Variants in CCDC33 observed in about 807,000 individuals in gnomAD.
The protein encoded by CCDC33 is coiled-coil domain containing 33.
In CCDC33, 94 loss-of-function variants were observed where a neutral mutation model predicts 91.9. The observed-to-expected ratio is 1.02, with a 90% confidence interval of 0.87 to 1.21. The LOEUF is 1.21. CCDC33 is among the 50% of genes most tolerant of loss of function. The pLI is 0.00. For synonymous variants in CCDC33, 396 were observed against 374.5 expected (o/e 1.06, Z -0.66); for missense variants, 940 against 935.5 (o/e 1.00, Z -0.06).
chr15:74,281,363 G>A (rs547772870), intron 9 of CCDC33, among the ~76,000 whole-genome samples: 2 of 152,338 alleles, frequency 1.3e-5, no homozygotes, highest in East Asian at 3.9e-4. Flanking sequence ...ATGGGTACAT[G>A]GCAATAGCAC....
intron 2 of CCDC33, among the ~76,000 whole-genome samples, chr15:74,256,429 C>T (rs1030784297): frequency 2.7e-5 from 4 of 150,682 alleles, no homozygotes; most frequent in African/African-American, 7.4e-5. Context: ...AAAGGGGGTA[C>T]TCGAAAGAGT....
In CCDC33 at chr15:74,206,122, C is replaced by A. The variant is rs569693914; in HGVS notation, n.89+3024C>A. Reference sequence around the variant, plus strand: ...CAGTTGTGAACTCTCCCCACAAGGCCCCCGTCCCTGCACACCAGTAACCAG... The same window carrying A: ...CAGTTGTGAACTCTCCCCACAAGGCACCCGTCCCTGCACACCAGTAACCAG... On this transcript the variant is annotated intron_variant and non_coding_transcript_variant, in intron 1 of 3. Transcript: ENST00000558645. Among the ~76,000 whole-genome samples the A allele has an allele frequency of 3.4e-3, 521 of 152,304 alleles. 5 individuals are homozygous for A. The highest frequency in any genetic ancestry group is 0.012 in the African/African-American group (517 of 41,564).
At chr15:74,228,803 C>A (rs1566951672) in intron 2 of CCDC33, among the ~76,000 whole-genome samples, 1 of 152,220 alleles carries the variant, frequency 6.6e-6, no homozygotes, top group Non-Finnish European at 1.5e-5. Flanking sequence ...CAGGCAGGGG[C>A]CGGGCCAGCT....
rs1008431649 is a variant in CCDC33 at position 74,218,218 on chromosome 15, G to A, written c.311-279G>A. On this transcript the variant is annotated intron_variant, in intron 1 of 2. Transcript: ENST00000635913. The surrounding 1 kb of genome is among the most constrained non-coding windows in gnomAD (Gnocchi z 4.8). ...GGCTGAACTCTTCCCCAGTCTAGGAGTCTATGGTGGTGGCAGGACCTAGGA... is the reference window on the plus strand; with the variant it reads ...GGCTGAACTCTTCCCCAGTCTAGGAATCTATGGTGGTGGCAGGACCTAGGA... Among the ~76,000 whole-genome samples, 3 of 152,220 alleles carry A rather than the reference G, an allele frequency of 2.0e-5. No homozygotes were observed. The highest frequency in any genetic ancestry group is 2.9e-5 in the Non-Finnish European group (2 of 68,028).
chr15:74,205,823 GC>G (rs1310743560), intron 1 of CCDC33, among the ~76,000 whole-genome samples: 3 of 152,182 alleles, frequency 2.0e-5, no homozygotes, highest in African/African-American at 7.2e-5. Flanking sequence ...ACCAAGGGAG[GC>G]CCTAAGCAGA....
intron 2 of CCDC33, among the ~76,000 whole-genome samples, chr15:74,224,046 ATTTTC>A (rs1037593362): frequency 6.6e-6 from 1 of 151,986 alleles, no homozygotes; most frequent in Admixed American, 6.6e-5. Flanking sequence ...TTGTAGCTCG[ATTTTC>A]TTTTATTTCA....
chr15:74,285,112 A>G (rs973919831), intron 10 of CCDC33, among the ~76,000 whole-genome samples: 7 of 152,268 alleles, frequency 4.6e-5, no homozygotes, highest in African/African-American at 1.4e-4. Context: ...AGACATGGTC[A>G]GTGCTGTCAC....
At chr15:74,308,071 G>A (rs1437588181) in intron 11 of CCDC33, among the ~76,000 whole-genome samples, 3 of 152,106 alleles carry the variant, frequency 2.0e-5, no homozygotes, top group Non-Finnish European at 4.4e-5. Context: ...AAGCGGGCAC[G>A]GGCTCTAGGT....
intron 2 of CCDC33, among the ~76,000 whole-genome samples, chr15:74,223,405 C>T (rs1317342643): frequency 3.3e-5 from 5 of 152,164 alleles, no homozygotes; most frequent in African/African-American, 1.2e-4. Context: ...GGTTCCCCCT[C>T]CTCCTCCTTT....
chr15:74,322,259 C>T (rs568048435), intron 11 of CCDC33, among the ~76,000 whole-genome samples: 37 of 152,348 alleles, frequency 2.4e-4, no homozygotes, highest in Admixed American at 1.4e-3. Context: ...AACTCAGCCA[C>T]GGCACAGCAG....
intron 2 of CCDC33, among the ~76,000 whole-genome samples, chr15:74,245,102 G>A (rs955485481): frequency 9.9e-5 from 15 of 152,226 alleles, no homozygotes; most frequent in African/African-American, 3.6e-4. Flanking sequence ...GAGCTCCACA[G>A]CAGTGGTGAC....
intron 10 of CCDC33, among the ~76,000 whole-genome samples, chr15:74,286,972 T>C (rs1438167124): frequency 6.6e-6 from 1 of 152,150 alleles, no homozygotes; most frequent in East Asian, 1.9e-4. Context: ...CTTTTCAGAC[T>C]AGTTACAAAG....
chr15:74,210,685 G>C (rs2142122923), intron 2 of CCDC33, among the ~76,000 whole-genome samples: 1 of 152,306 alleles, frequency 6.6e-6, no homozygotes, highest in Non-Finnish European at 1.5e-5. Flanking sequence ...AGCTGTGAAG[G>C]CATCACTGAG....
At chr15:74,212,611 T>C (rs927657642), upstream of CCDC33, 5 of 152,186 alleles carry the variant, frequency 3.3e-5, no homozygotes, top group African/African-American at 1.2e-4. Context: ...GGCCCCTCGG[T>C]GGAAGGAAGA....
upstream of CCDC33, among the ~76,000 whole-genome samples, chr15:74,233,953 CG>C (rs2075063468): frequency 6.6e-6 from 1 of 152,080 alleles, no homozygotes; most frequent in African/African-American, 2.4e-5. Context: ...AGTCAGGAGG[CG>C]GGGGCGTCTC....
intron 1 of CCDC33, among the ~76,000 whole-genome samples, chr15:74,237,563 T>C (rs1334849119): frequency 6.6e-6 from 1 of 152,154 alleles, no homozygotes; most frequent in Non-Finnish European, 1.5e-5. Context: ...TTCCACTTCA[T>C]TACTCTTGAT....
intron 10 of CCDC33, among the ~76,000 whole-genome samples, chr15:74,290,141 C>A (rs980879811): frequency 2.0e-5 from 3 of 151,926 alleles, no homozygotes; most frequent in African/African-American, 7.3e-5. Context: ...CTGGCCCAGC[C>A]AAGGTCATTC....
exon 1 of CCDC33, chr15:74,217,463 A>G (rs2074474935): frequency 7.8e-7 from 1 of 1,289,786 alleles, no homozygotes; most frequent in African/African-American, 1.5e-5. Context: ...TGCAGTTGCA[A>G]GTGAATGATG....
At chr15:74,207,643 A>C in intron 1 of CCDC33, 1 of 1,482,174 alleles carries the variant, frequency 6.7e-7, no homozygotes, top group Non-Finnish European at 9.1e-7. Flanking sequence ...ATAGCACGGA[A>C]GAGAACACGC....
Sources: gnomAD v4.1 joint callset for allele counts (sites outside exome capture counted in the v4.1 genomes callset) on GRCh38, gnomAD v4.1.1 for gene constraint, Gnocchi (gnomAD v3.1) non-coding constraint, MANE v1.5 for transcripts, NCBI Gene and HGNC (gene_info 2026-07-23, HGNC 2026-07-21) for gene names.